The following WDR64 variants were observed in gnomAD, a reference collection of about 807,000 sequenced individuals.
WDR64 encodes WD repeat domain 64, also known as WD repeat-containing protein 64.
A neutral mutation model predicts 139.3 loss-of-function variants in WDR64; 112 were observed. The observed-to-expected ratio is 0.80, with a 90% CI of 0.69 to 0.94. The LOEUF is 0.94. Among genes scored for constraint, WDR64 ranks in the 40% least tolerant of loss-of-function variants. The probability of loss-of-function intolerance (pLI) is 0.00; values close to 1 mark genes in which losing one functional copy is unlikely to be tolerated. For missense variants in WDR64, 1,206 were observed against 1,293.1 expected (o/e 0.93, Z 1.03); for synonymous variants, 444 against 437.7 (o/e 1.01, Z -0.18).
In WDR64 at chr1:241,735,851, CTCTCTGTGTGTG is replaced by C. The variant is rs1401260026; in HGVS notation, c.1195-2510_1195-2499del. Among the ~76,000 whole-genome samples the C allele has an allele frequency of 6.9e-5, 6 of 87,468 alleles. No homozygotes were observed. In the East Asian group the frequency reaches 1.3e-3, roughly 19 times the overall value. 57.4% of individuals were successfully genotyped at this position (87,468 alleles called of 152,430 possible). A position where few individuals can be genotyped will look rare whatever the true frequency, so the allele number is the denominator to read the frequency against. On this transcript the variant is annotated intron_variant, in intron 10 of 27. Transcript: ENST00000437684. ...TCTCTCTCTCTCTCTCTCTCTCTCT[CTCTCTGTGTGTG>C]TGTGTGTGTGTGTGTGTGTGTGTGT...
intron 13 of WDR64, among the ~76,000 whole-genome samples, chr1:241,747,693 G>C (rs1222415417): frequency 6.6e-6 from 1 of 151,850 alleles, no homozygotes; most frequent in Non-Finnish European, 1.5e-5. Flanking sequence ...AAAGCAAGCT[G>C]ATCTATGAAA....
intron 13 of WDR64, 149 bp downstream of exon 13, chr1:241,744,665 AG>A: frequency 1.0e-6 from 1 of 964,222 alleles, no homozygotes; most frequent in Non-Finnish European, 1.5e-6. Flanking sequence ...CTGGGTGAAT[AG>A]TGGTAGAGTC....
intron 13 of WDR64, among the ~76,000 whole-genome samples, chr1:241,748,039 C>T (rs914501385): frequency 2.6e-5 from 4 of 152,174 alleles, no homozygotes; most frequent in African/African-American, 7.2e-5. Flanking sequence ...TGCTGGCCTC[C>T]CTCATGGTGC....
At chr1:241,655,767 C>T (rs1286758696) in intron 1 of WDR64, among the ~76,000 whole-genome samples, 1 of 150,866 alleles carries the variant, frequency 6.6e-6, no homozygotes, top group Non-Finnish European at 1.5e-5. Flanking sequence ...TCAAATGTCA[C>T]CTCTTTGTAA....
chr1:241,741,541 T>C lies in WDR64; in HGVS notation c.1347T>C (p.Pro449=), dbSNP rs1420723871. The change falls in exon 12 of 28, where the codon CCT becomes CCC. Residue 449 remains proline (P), a synonymous_variant. Transcript: ENST00000437684. ...ITGSSVMDMY[P]LTRMIQDTKQ... ...GATCTAGTGTTATGGACATGTATCC[T>C]TTGACTAGGATGATACAAGATACAA... The C allele has an allele frequency of 6.2e-7, 1 of 1,611,856 alleles. No homozygotes were observed. Among genetic ancestry groups the C allele is most frequent in the East Asian group, 2.2e-5 (1 of 44,802 alleles).
At chr1:241,655,672 C>G (rs1665561712) in intron 1 of WDR64, among the ~76,000 whole-genome samples, 1 of 150,166 alleles carries the variant, frequency 6.7e-6, no homozygotes, top group Non-Finnish European at 1.5e-5. Context: ...TTGCGCATGT[C>G]ATTCCCCAAT....
chr1:241,795,067 T>C (rs770835148), intron 25 of WDR64, 140 bp from the exon 26 acceptor site: 3 of 653,406 alleles, frequency 4.6e-6, no homozygotes, highest in Non-Finnish European at 8.1e-6. Context: ...TATTATTTAT[T>C]TGATTCTCAT....
At chr1:241,729,275 C>A (rs1189081271) in intron 10 of WDR64, among the ~76,000 whole-genome samples, 1 of 152,206 alleles carries the variant, frequency 6.6e-6, no homozygotes, top group Non-Finnish European at 1.5e-5. Context: ...CTCCCAGTTG[C>A]AGGTGGCCCA....
chr1:241,796,740 C>T (rs898976960), intron 27 of WDR64, among the ~76,000 whole-genome samples: 2 of 152,132 alleles, frequency 1.3e-5, no homozygotes, highest in Admixed American at 1.3e-4. Flanking sequence ...GTGATCCACC[C>T]ACCTCGGCCT....
At chr1:241,677,807 G>C (rs557536428) in intron 4 of WDR64, among the ~76,000 whole-genome samples, 1 of 152,280 alleles carries the variant, frequency 6.6e-6, no homozygotes, top group South Asian at 2.1e-4. Context: ...GATCTATTTA[G>C]CATTCATGTA....
intron 22 of WDR64, among the ~76,000 whole-genome samples, chr1:241,782,025 G>A (rs527533237): frequency 5.9e-4 from 90 of 152,348 alleles, no homozygotes; most frequent in African/African-American, 2.0e-3. Flanking sequence ...GGTGGCTCAC[G>A]CCTGTAATCC....
intron 24 of WDR64, among the ~76,000 whole-genome samples, chr1:241,789,933 T>C (rs899272825): frequency 5.9e-5 from 9 of 152,126 alleles, no homozygotes; most frequent in African/African-American, 2.2e-4. Flanking sequence ...CATAATTAAG[T>C]TTTGACTATA....
At chr1:241,665,863 C>T (rs2148064423) in intron 2 of WDR64, among the ~76,000 whole-genome samples, 1 of 152,018 alleles carries the variant, frequency 6.6e-6, no homozygotes, top group East Asian at 1.9e-4. Flanking sequence ...ATATGGAATG[C>T]CTATAATTAT....
Position 241,757,435 on chromosome 1 carries a change from G to A in WDR64, c.1923G>A (p.Glu641=). The change falls in exon 15 of 28, where the codon GAG becomes GAA. Residue 641 remains glutamate (E), a synonymous_variant. Coordinates refer to ENST00000437684, the MANE Select transcript of WDR64 (RefSeq NM_001367482.1). ...TCCCAGATGTCGAGTTGATAGTTGA[G>A]AGGAACTTTTCTCAACCTACTGATG... The part of the protein sequence containing the change: ...IPFPDVELIV[E]RNFSQPTDNP... 6.2e-7 allele frequency: 1 copy of A among 1,612,352 alleles called. No homozygotes were observed. The highest frequency in any genetic ancestry group is 2.2e-5 in the East Asian group (1 of 44,834).
intron 10 of WDR64, among the ~76,000 whole-genome samples, chr1:241,727,365 G>A (rs1200045397): frequency 2.6e-5 from 4 of 152,152 alleles, no homozygotes; most frequent in African/African-American, 7.2e-5. Context: ...AGACAGAAGA[G>A]AGAATCTTTC....
rs1489942294 is a variant in WDR64, at chr1:241,790,669, G to A, written c.2970G>A (p.Lys990=). 2 of 1,572,184 alleles carry A rather than the reference G, an allele frequency of 1.3e-6. No homozygotes were observed. The highest frequency in any genetic ancestry group is 1.7e-4 in the Middle Eastern group (1 of 5,890). The change falls in exon 25 of 28, where the codon AAG becomes AAA. Residue 990 remains lysine, a synonymous_variant. Coordinates refer to ENST00000437684, the MANE Select transcript of WDR64 (RefSeq NM_001367482.1). ...CCTTTGAAGTGGAACAGGATTTCAA[G>A]TTTTTCAAGTCTCTTTCTTCTCCTA... ...PKAFEVEQDF[K]FFKSLSSPKI... is the part of the protein sequence containing the mutation.
intron 2 of WDR64, among the ~76,000 whole-genome samples, chr1:241,666,513 T>G (rs1666032536): frequency 6.6e-6 from 1 of 152,236 alleles, no homozygotes; most frequent in Non-Finnish European, 1.5e-5. Flanking sequence ...TAAGAGCATA[T>G]GTCCACAGTC....
At chr1:241,796,717 C>A (rs1442807088) in intron 27 of WDR64, among the ~76,000 whole-genome samples, 1 of 152,172 alleles carries the variant, frequency 6.6e-6, no homozygotes, top group African/African-American at 2.4e-5. Context: ...TGGTCTCGAA[C>A]TCCTGACCTC....
chr1:241,755,415 G>GT lies in WDR64; in HGVS notation c.1771-1861dup, dbSNP rs1211933388. 2.0e-5 allele frequency among the ~76,000 whole-genome samples: 3 copies of GT among 152,166 alleles called. No individual in the cohort carries two copies. In the East Asian group the frequency reaches 5.8e-4, roughly 29 times the overall value. On this transcript the variant is annotated intron_variant, in intron 14 of 27. Transcript: ENST00000437684. ...CCTTCACCCACTTGTTAATGGGGTTGTTTTTTTCTTGTAAATTTGTTTAAG... is the reference window on the plus strand; with the variant it reads ...CCTTCACCCACTTGTTAATGGGGTTGTTTTTTTTCTTGTAAATTTGTTTAAG...
Sources: gnomAD v4.1 joint callset for allele counts (sites outside exome capture counted in the v4.1 genomes callset) on GRCh38, gnomAD v4.1.1 for gene constraint, MANE v1.5 for transcripts, NCBI Gene and HGNC (gene_info 2026-07-23, HGNC 2026-07-21) for gene names.